The following ZNF280D variants were observed in gnomAD, a reference collection of about 807,000 sequenced individuals.
ZNF280D encodes suppressor of hairy wing homolog 4.
Under a neutral mutation model 94.7 loss-of-function variants are expected in ZNF280D, and 39 were observed. The observed-to-expected ratio is 0.41, with a 90% CI of 0.32 to 0.54. The LOEUF is 0.54. ZNF280D is among the 20% of genes least tolerant of loss of function. The pLI is 0.22. For missense variants in ZNF280D, 1,090 were observed against 1,149.3 expected, an observed-to-expected ratio of 0.95 and a Z score of 0.75; for synonymous variants, 398 against 377.6, an observed-to-expected ratio of 1.05 and a Z score of -0.63.
intron 13 of ZNF280D, among the ~76,000 whole-genome samples, chr15:56,673,182 C>T (rs565803851): frequency 3.9e-5 from 6 of 152,018 alleles, no homozygotes; most frequent in Admixed American, 6.6e-5. Flanking sequence ...CAAATGCCTA[C>T]GTAACATTAC....
chr15:56,660,016 T>C (rs1328422266), intron 16 of ZNF280D, among the ~76,000 whole-genome samples: 1 of 152,080 alleles, frequency 6.6e-6, no homozygotes, highest in African/African-American at 2.4e-5. Context: ...GAAAATATCC[T>C]CAGATTTCTA....
chr15:56,700,857 AACTGGGT>A (rs1567003339), intron 6 of ZNF280D, 69 bp downstream of exon 6: 1 of 1,611,260 alleles, frequency 6.2e-7, no homozygotes, highest in East Asian at 2.2e-5. Flanking sequence ...CCAGAATTGT[AACTGGGT>A]ACTGTTGATA....
At chr15:56,719,219 T>A (rs1004450628) in intron 1 of ZNF280D, among the ~76,000 whole-genome samples, 8 of 152,022 alleles carry the variant, frequency 5.3e-5, no homozygotes, top group Non-Finnish European at 1.0e-4. Context: ...GCAGGTAGGG[T>A]AATGAGAGGT....
chr15:56,682,423 A>C lies in ZNF280D; in HGVS notation c.835T>G (p.Ser279Ala), dbSNP rs1474785899. The change falls in exon 10 of 22, where the codon TCA (serine) becomes GCA (alanine). Residue 279 changes from serine (S) to alanine (A), a missense_variant. Coordinates refer to ENST00000267807, the MANE Select transcript of ZNF280D (RefSeq NM_017661.4). ...GTTGTGTTTTTATTTACTGTACTTG[A>C]AAATTCTGTTTTAGCCAGTCCCAAA... ...NFLGLAKTEF[S>A]STVNKNTTID... 7 of 1,589,328 alleles carry C rather than the reference A, an allele frequency of 4.4e-6. No homozygotes were observed. Among genetic ancestry groups the C allele is most frequent in the Non-Finnish European group, 6.0e-6 (7 of 1,173,410 alleles).
intron 7 of ZNF280D, among the ~76,000 whole-genome samples, chr15:56,691,722 C>A (rs1467061995): frequency 1.3e-5 from 2 of 152,106 alleles, no homozygotes; most frequent in East Asian, 3.8e-4. Flanking sequence ...TGGCACATAT[C>A]ATTCATAATT....
At chr15:56,687,887 A>AT (rs1256958043) in intron 9 of ZNF280D, among the ~76,000 whole-genome samples, 8 of 152,046 alleles carry the variant, frequency 5.3e-5, no homozygotes, top group African/African-American at 1.9e-4. Context: ...AAGTTCCCTT[A>AT]TTTTTTCTAC....
chr15:56,632,323 C>A (rs2052118221), intron 21 of ZNF280D, among the ~76,000 whole-genome samples: 1 of 152,040 alleles, frequency 6.6e-6, no homozygotes, highest in African/African-American at 2.4e-5. Flanking sequence ...CTGAGAAACT[C>A]TGGAATCACA....
intron 7 of ZNF280D, among the ~76,000 whole-genome samples, chr15:56,690,330 C>T (rs1214087915): frequency 2.0e-5 from 3 of 151,998 alleles, no homozygotes; most frequent in South Asian, 4.2e-4. Context: ...TGCAGTGAGC[C>T]GAGATCGCGC....
In ZNF280D at chr15:56,689,530, G is replaced by C. The variant is rs530580706; in HGVS notation, c.500-60C>G. 6 of 1,044,900 alleles carry C rather than the reference G, an allele frequency of 5.7e-6. No homozygotes were observed. In the East Asian group the frequency reaches 1.4e-4, roughly 25 times the overall value. The allele number at this position is 1,044,900 out of a possible 1,614,324, so 64.7% of individuals were successfully genotyped here. On this transcript the variant is annotated intron_variant, in intron 7 of 21. Transcript: ENST00000267807. ...TAAAATTAGAATATTATTTACATCT[G>C]AGTAAAAATATTTTGGAGCTAAATT... is the stretch of plus-strand genomic sequence containing the variant.
intron 6 of ZNF280D, 78 bp downstream of exon 6, chr15:56,700,855 G>GT: frequency 6.2e-7 from 1 of 1,610,476 alleles, no homozygotes; most frequent in Non-Finnish European, 8.5e-7. Context: ...GTCCAGAATT[G>GT]TAACTGGGTA....
chr15:56,678,664 T>C lies in ZNF280D; in HGVS notation c.1162A>G (p.Thr388Ala). ...ATATTTAAATGTATTGGTAACTTAC[T>C]AGAAAATTCATGGGGCGTATGTGTA... is the stretch of plus-strand genomic sequence containing the variant. Reference protein sequence around the residue: ...ESTHTPHEFSTICKICELSFE... With the variant: ...ESTHTPHEFSAICKICELSFE... The change falls in exon 11 of 22, where the codon ACT becomes GCT. Residue 388 changes from threonine to alanine, a missense_variant and splice_region_variant. By Grantham distance (58) the Thr-to-Ala change is moderately conservative. Around this residue, in one of 3 missense-constraint regions of ZNF280D, gnomAD observed 127 missense variants for 208.6 expected, o/e 0.61. Coordinates refer to ENST00000267807, the MANE Select transcript of ZNF280D (RefSeq NM_017661.4). 4 of 1,582,852 alleles carry C rather than the reference T, an allele frequency of 2.5e-6. No individual in the cohort carries two copies. Among genetic ancestry groups the C allele is most frequent in the Admixed American group, 1.8e-5 (1 of 54,744 alleles).
chr15:56,634,843 C>G (rs2052271516), intron 21 of ZNF280D, among the ~76,000 whole-genome samples: 1 of 152,012 alleles, frequency 6.6e-6, no homozygotes, highest in Non-Finnish European at 1.5e-5. Flanking sequence ...TTAAGATTAC[C>G]TATGTGCAAC....
At chr15:56,731,929 G>A (rs1171111284) in intron 1 of ZNF280D, among the ~76,000 whole-genome samples, 1 of 152,156 alleles carries the variant, frequency 6.6e-6, no homozygotes, top group Non-Finnish European at 1.5e-5. Context: ...TCCCAGCTAC[G>A]GAGGCTGAGG....
At chr15:56,670,454 T>C (rs2054786116) in intron 13 of ZNF280D, among the ~76,000 whole-genome samples, 1 of 152,022 alleles carries the variant, frequency 6.6e-6, no homozygotes, top group African/African-American at 2.4e-5. Context: ...TATTTTTCTG[T>C]TCCTGCATTA....
chr15:56,727,476 A>G (rs1316682945), intron 1 of ZNF280D, among the ~76,000 whole-genome samples: 1 of 152,182 alleles, frequency 6.6e-6, no homozygotes, highest in African/African-American at 2.4e-5. Context: ...AAAAAAAAGA[A>G]AAAAGATAGA....
chr15:56,716,161 T>G (rs149395461), intron 1 of ZNF280D, among the ~76,000 whole-genome samples: 1 of 152,030 alleles, frequency 6.6e-6, no homozygotes, highest in African/African-American at 2.4e-5. Context: ...TTACTGTGTG[T>G]CGGGTAGGAA....
At chr15:56,681,085 A>G (rs547889889) in intron 10 of ZNF280D, among the ~76,000 whole-genome samples, 2 of 152,334 alleles carry the variant, frequency 1.3e-5, no homozygotes, top group East Asian at 3.9e-4. Flanking sequence ...GAAATAAGAA[A>G]ATTCATATAA....
At chr15:56,712,374 C>T (rs747193808) in intron 1 of ZNF280D, among the ~76,000 whole-genome samples, 34 of 151,952 alleles carry the variant, frequency 2.2e-4, no homozygotes, top group Non-Finnish European at 4.4e-4. Flanking sequence ...GGCATAGTGG[C>T]TCATGCCTCT....
intron 13 of ZNF280D, among the ~76,000 whole-genome samples, chr15:56,670,627 T>C (rs2054796970): frequency 6.6e-6 from 1 of 152,086 alleles, no homozygotes; most frequent in Non-Finnish European, 1.5e-5. Context: ...GTCTTTGCTA[T>C]TGTGAATAGT....
Sources: allele counts gnomAD v4.1 joint callset (sites outside exome capture counted in the v4.1 genomes callset), GRCh38; gene constraint gnomAD v4.1.1; regional missense constraint gnomAD v4.1.1; transcripts MANE v1.5; gene names NCBI Gene and HGNC (gene_info 2026-07-23, HGNC 2026-07-21).